LILRB2: variants seen among roughly 807,000 people sequenced by gnomAD.
The protein encoded by LILRB2 is leukocyte immunoglobulin-like receptor subfamily B member 2.
A neutral mutation model predicts 72.7 loss-of-function variants in LILRB2; 47 were observed. The observed-to-expected ratio is 0.65, with a 90% CI of 0.51 to 0.82. The LOEUF is 0.82. Among genes scored for constraint, LILRB2 ranks in the 40% least tolerant of loss-of-function variants. LILRB2 has a pLI of 0.00. For missense variants in LILRB2, 767 were observed against 764.8 expected (o/e 1.00, Z -0.03); for synonymous variants, 279 against 313.7 (o/e 0.89, Z 1.17).
chr19:54,280,744 A>G (rs1459938401), intron 1 of LILRB2, 200 bp from the exon 2 acceptor site: 4 of 803,052 alleles, frequency 5.0e-6, no homozygotes, highest in Non-Finnish European at 8.0e-6. Context: ...GACATTTCAG[A>G]CTGTAATGGG....
At position 54,276,175 on chromosome 19, in the gene LILRB2, C is replaced by T. The variant is rs1022018841; in HGVS notation, c.1594+89G>A. 3.8e-6 allele frequency: 6 copies of T among 1,598,778 alleles called. No homozygotes were observed. The African/African-American group carries it at 6.7e-5, about 18-fold the overall frequency. On this transcript the variant is annotated intron_variant, in intron 12 of 13. Transcript: ENST00000314446. ...ATGATCTCACCCTGAGCCCCAGACC[C>T]TTTCCAGCCGGTGCCCCTTTCCCCA...
At chr19:54,276,343 C>A (rs200755632) in intron 11 of LILRB2, 38 bp downstream of exon 11, 8 of 1,612,992 alleles carry the variant, frequency 5.0e-6, no homozygotes, top group Admixed American at 3.3e-5. Context: ...GTATGGGCCA[C>A]GAGCAGGTGG....
intron 5 of LILRB2, 109 bp from the exon 6 acceptor site, chr19:54,279,217 C>T: frequency 6.5e-7 from 1 of 1,544,204 alleles, no homozygotes. Context: ...TCTCTGGCCC[C>T]AGGACCCCTG....
rs1255343680 is a variant in LILRB2, at chr19:54,277,105, T to A, written c.1358-176A>T. On this transcript the variant is annotated intron_variant, in intron 9 of 13. Transcript: ENST00000314446. ...AAAAACTGACGCTCAGAGAGGGGAA[T>A]CGCCTGCCCCGGGCCCCCAGCCAGG... 3.3e-6 allele frequency: 5 copies of A among 1,497,684 alleles called. No homozygotes were observed. In the Admixed American group the frequency reaches 9.8e-5, roughly 29 times the overall value. 92.8% of individuals were successfully genotyped at this position (1,497,684 alleles called of 1,614,324 possible). A position where few individuals can be genotyped will look rare whatever the true frequency, so the allele number is the denominator to read the frequency against.
intron 8 of LILRB2, 143 bp from the exon 9 acceptor site, chr19:54,277,740 G>A: frequency 7.5e-7 from 1 of 1,330,248 alleles, no homozygotes; most frequent in Non-Finnish European, 1.0e-6. Flanking sequence ...AGAGCCCTGG[G>A]GACCCTGTGG....
At chr19:54,277,182 C>T in intron 9 of LILRB2, 1 of 1,524,296 alleles carries the variant, frequency 6.6e-7, no homozygotes, top group Non-Finnish European at 8.9e-7. Context: ...AGCCCTTGTT[C>T]CTGCACCAGA....
At position 54,276,883 on chromosome 19, in the gene LILRB2, G is replaced by T; in HGVS notation, c.1404C>A (p.Val468=). The change falls in exon 10 of 14, where the codon GTC becomes GTA. Residue 468 remains valine (V), a synonymous_variant. Coordinates refer to ENST00000314446, the MANE Select transcript of LILRB2 (RefSeq NM_001080978.4). ...LGVVIGILVA[V]VLLLLLLLLL... is the part of the protein sequence containing the mutation. ...GGAGGAGGAGGAGGAGCAGTAGGAC[G>T]ACGGCCACCAAGATGCCGATCACAA... 1 of 1,614,034 alleles carries T rather than the reference G, an allele frequency of 6.2e-7. No homozygotes were observed. The highest frequency in any genetic ancestry group is 8.5e-7 in the Non-Finnish European group (1 of 1,179,970).
In LILRB2 at chr19:54,280,524, C is replaced by A. The variant is rs752262843; in HGVS notation, c.-28G>T. On this transcript the variant is annotated 5_prime_UTR_variant, in exon 2 of 14. Transcript: ENST00000314446. The stretch of plus-strand genomic sequence containing the variant: ...CGTCTCCTCCCACTGCCCTGCTCTG[C>A]GGATGGATGAGCCCTCGGTGCTGGC... 1.9e-6 allele frequency: 3 copies of A among 1,612,680 alleles called. No individual in the cohort carries two copies. The highest frequency in any genetic ancestry group is 1.7e-5 in the Admixed American group (1 of 59,908).
Position 54,279,546 on chromosome 19 carries a change from A to G in LILRB2, c.457T>C (p.Phe153Leu), listed in dbSNP as rs1423012628. 5 of 1,613,988 alleles carry G rather than the reference A, an allele frequency of 3.1e-6. No individual in the cohort carries two copies. Among genetic ancestry groups the G allele is most frequent in the Non-Finnish European group, 4.2e-6 (5 of 1,180,002 alleles). ...TCTTCTCCTTCCTTACACAGAATGA[A>G]GCCGCCAAATGCCACCTGTGACTCA... ...QCESQVAFGG[F>L]ILCKEGEDEH... Residue 153 changes from phenylalanine to leucine, a missense_variant, in exon 5 of 14, where the codon TTC becomes CTC. Physicochemically the swap from Phe to Leu is conservative, Grantham distance 22. Around this residue, in one of 3 missense-constraint regions of LILRB2, gnomAD observed 599 missense variants for 568.2 expected, o/e 1.05. Transcript: ENST00000314446.
At chr19:54,277,334 G>A (rs1013310220) in intron 9 of LILRB2, 319 of 1,225,852 alleles carry the variant, frequency 2.6e-4, no homozygotes, top group Non-Finnish European at 3.4e-4. Flanking sequence ...TCTTCCCTGA[G>A]GGGCCTCCTC....
chr19:54,278,130 G>A (rs547036693), intron 7 of LILRB2, 130 bp downstream of exon 7: 36 of 1,324,544 alleles, frequency 2.7e-5, no homozygotes, highest in Non-Finnish European at 3.6e-5. Context: ...CCTTCCCTCT[G>A]AGGGTGAGTC....
rs1849167401 is a variant in LILRB2 at position 54,277,589 on chromosome 19, C to T, written c.1318G>A (p.Asp440Asn). 6.3e-7 allele frequency: 1 copy of T among 1,576,034 alleles called. No homozygotes were observed. The highest frequency in any genetic ancestry group is 2.3e-5 in the East Asian group (1 of 43,448). Residue 440 changes from aspartate (D) to asparagine (N), a missense_variant, in exon 9 of 14, where the codon GAC becomes AAC. Physicochemically the swap from Asp to Asn is conservative, Grantham distance 23. This residue lies in a region of LILRB2 where 599 missense variants were observed against 568.2 expected (regional missense o/e 1.05). Transcript: ENST00000314446. ...GACCCAGTGGGGGTGAGGGGCTGGTCCTCAGGGCCTGCTGGGTCAGGACGG... is the reference window on the plus strand; with the variant it reads ...GACCCAGTGGGGGTGAGGGGCTGGTTCTCAGGGCCTGCTGGGTCAGGACGG... ...TGPISTPGPE[D>N]QPLTPTGSDP...
intron 9 of LILRB2, 93 bp downstream of exon 9, chr19:54,277,457 A>C: frequency 6.6e-7 from 1 of 1,523,098 alleles, no homozygotes; most frequent in East Asian, 2.5e-5. Context: ...GCCTGTCTAC[A>C]TCACCACCTC....
chr19:54,279,221 ACCCCTGAGCCCTCTC>A, intron 5 of LILRB2, 109 bp downstream of exon 5: 3 of 1,540,154 alleles, frequency 1.9e-6, no homozygotes, highest in East Asian at 4.5e-5. Flanking sequence ...TGGCCCCAGG[ACCCCTGAGCCCTCTC>A]GCCCCAACAT....
chr19:54,277,364 G>T, intron 9 of LILRB2, 186 bp downstream of exon 9: 1 of 1,204,270 alleles, frequency 8.3e-7, no homozygotes, highest in Non-Finnish European at 1.2e-6. Context: ...GTCACAGCTG[G>T]GAGTGAGAGC....
In LILRB2 at chr19:54,274,840, G is replaced by A. The variant is rs62134981; in HGVS notation, c.1648-11C>T. 0.31 allele frequency: 497,814 copies of A among 1,599,026 alleles called. 66,056 individuals are homozygous for A. Among genetic ancestry groups the A allele is most frequent in the Non-Finnish European group, 0.34 (401,880 of 1,169,460 alleles). On this transcript the variant is annotated splice_polypyrimidine_tract_variant and intron_variant, in intron 13 of 13. Transcript: ENST00000314446. The stretch of plus-strand genomic sequence containing the variant: ...TTCAGATGCAGCAGCCTGCAGCGGG[G>A]GAGAGTGAGAGGTAAGGAACGTGGT...
Position 54,278,826 on chromosome 19 carries a change from T to C in LILRB2, c.941A>G (p.Asp314Gly), listed in dbSNP as rs2080389534. The C allele has an allele frequency of 1.2e-6, 2 of 1,612,450 alleles. No individual in the cohort carries two copies. The highest frequency in any genetic ancestry group is 1.1e-5 in the South Asian group (1 of 91,032). The change falls in exon 6 of 14, where the codon GAC becomes GGC. Residue 314 changes from aspartate (D) to glycine (G), a missense_variant. Physicochemically the swap from Asp to Gly is moderately conservative, Grantham distance 94. Transcript: ENST00000314446. ...SECSAPSDPLDILITGQIRGT... is the reference protein window; with the variant it reads ...SECSAPSDPLGILITGQIRGT... The stretch of plus-strand genomic sequence containing the variant: ...GGGCTCCTCACCTGTGATCAGGATG[T>C]CCAGGGGGTCGCTGGGGGCCGAGCA...
intron 9 of LILRB2, 134 bp downstream of exon 9, chr19:54,277,416 T>C: frequency 7.2e-7 from 1 of 1,392,140 alleles, no homozygotes; most frequent in South Asian, 1.3e-5. Flanking sequence ...TCCTTTACAC[T>C]TGGAGAAACT....
chr19:54,275,667 G>A (rs548206676), intron 13 of LILRB2: 131 of 584,136 alleles, frequency 2.2e-4, no homozygotes, highest in East Asian at 1.8e-3. Flanking sequence ...CAGGGGACCG[G>A]GGTGGTTCAT....
Sources: gnomAD v4.1 joint callset for allele counts on GRCh38, gnomAD v4.1.1 for gene constraint, gnomAD v4.1.1 regional missense constraint, MANE v1.5 for transcripts, NCBI Gene and HGNC (gene_info 2026-07-23, HGNC 2026-07-21) for gene names.